GLRX3: variants seen among roughly 807,000 people sequenced by gnomAD.
The protein encoded by GLRX3 is glutaredoxin-3.
Under a neutral mutation model 49.5 loss-of-function variants are expected in GLRX3, and 22 were observed. The observed-to-expected ratio is 0.44, with a 90% CI of 0.32 to 0.63. The LOEUF is 0.63. Ranked by LOEUF, GLRX3 falls within the 30% of genes least tolerant of loss-of-function variation. GLRX3 has a pLI of 0.05. For synonymous variants in GLRX3, 133 were observed against 140.0 expected, an observed-to-expected ratio of 0.95 and a Z score of 0.35; for missense variants, 385 against 396.3, an observed-to-expected ratio of 0.97 and a Z score of 0.24.
intron 1 of GLRX3, among the ~76,000 whole-genome samples, chr10:130,143,071 C>T (rs1168478069): frequency 6.6e-6 from 1 of 152,158 alleles, no homozygotes; most frequent in African/African-American, 2.4e-5. Context: ...CTCAGGTTGG[C>T]AGCTTCTGCA....
At chr10:130,176,306 G>C (rs2134931013) in intron 10 of GLRX3, among the ~76,000 whole-genome samples, 1 of 152,160 alleles carries the variant, frequency 6.6e-6, no homozygotes, top group South Asian at 2.1e-4. Context: ...TTTTAGTAGA[G>C]ATGGGGTTTC....
chr10:130,142,553 C>T (rs1590056467), intron 1 of GLRX3, among the ~76,000 whole-genome samples: 1 of 152,158 alleles, frequency 6.6e-6, no homozygotes, highest in African/African-American at 2.4e-5. Flanking sequence ...TAAGGATTTT[C>T]TTGTATTAAA....
In GLRX3 at chr10:130,179,359, T is replaced by G; in HGVS notation, c.975T>G (p.Gly325=). 6.2e-6 allele frequency: 9 copies of G among 1,460,696 alleles called. No individual in the cohort carries two copies. The highest frequency in any genetic ancestry group is 8.5e-6 in the Non-Finnish European group (9 of 1,055,526). The allele number at this position is 1,460,696 out of a possible 1,614,324, so 90.5% of individuals were successfully genotyped here. A position where few individuals can be genotyped will look rare whatever the true frequency, so the allele number is the denominator to read the frequency against. Residue 325 remains glycine, a synonymous_variant, in exon 11 of 11, where the codon GGT becomes GGG. Transcript: ENST00000331244. ...ATTTTTAGGAACTGAAAGAAAATGG[T>G]GAATTGCTGCCTATACTGAGAGGAG... ...LDIVKELKEN[G]ELLPILRGEN
chr10:130,160,714 G>C, intron 3 of GLRX3, 82 bp from the exon 4 acceptor site: 3 of 807,488 alleles, frequency 3.7e-6, no homozygotes, highest in Non-Finnish European at 6.5e-6. Context: ...CGGTAATACT[G>C]TTGTCCCCTT....
intron 8 of GLRX3, among the ~76,000 whole-genome samples, chr10:130,172,052 T>G (rs1424589550): frequency 5.9e-5 from 9 of 152,220 alleles, no homozygotes; most frequent in African/African-American, 2.2e-4. Context: ...ATCTGTATCT[T>G]TCTTTATTTT....
chr10:130,148,102 T>G (rs1226739892), intron 2 of GLRX3, among the ~76,000 whole-genome samples: 2 of 152,142 alleles, frequency 1.3e-5, no homozygotes, highest in African/African-American at 4.8e-5. Context: ...GAGTATGAAC[T>G]AATGTTCTTC....
At chr10:130,173,951 A>G (rs1223498212) in intron 8 of GLRX3, among the ~76,000 whole-genome samples, 3 of 152,148 alleles carry the variant, frequency 2.0e-5, no homozygotes, top group African/African-American at 4.8e-5. Flanking sequence ...TTTTACATGT[A>G]GCATTTTCTT....
intron 2 of GLRX3, among the ~76,000 whole-genome samples, chr10:130,146,951 A>G (rs1590058991): frequency 6.6e-6 from 1 of 152,262 alleles, no homozygotes; most frequent in African/African-American, 2.4e-5. Context: ...CAAACAGTGT[A>G]GAAAGATGTC....
chr10:130,171,393 C>T (rs1247395272), intron 7 of GLRX3, among the ~76,000 whole-genome samples, 191 bp from the exon 8 acceptor site: 1 of 151,924 alleles, frequency 6.6e-6, no homozygotes, highest in Non-Finnish European at 1.5e-5. Context: ...GTCTGTGGGT[C>T]ACGTGTGCCT....
chr10:130,161,140 G>T, intron 4 of GLRX3, 143 bp downstream of exon 4: 1 of 634,280 alleles, frequency 1.6e-6, no homozygotes, highest in East Asian at 2.7e-5. Context: ...AATCAAAAAG[G>T]TTATAATTCC....
intron 2 of GLRX3, among the ~76,000 whole-genome samples, chr10:130,152,561 A>T (rs893056946): frequency 5.9e-5 from 9 of 152,100 alleles, no homozygotes; most frequent in African/African-American, 2.2e-4. Context: ...TCCTTCACTT[A>T]TGAAGCTTAG....
intron 3 of GLRX3, among the ~76,000 whole-genome samples, chr10:130,160,506 C>T (rs2134902169): frequency 6.6e-6 from 1 of 152,278 alleles, no homozygotes; most frequent in Admixed American, 6.5e-5. Context: ...CCAAATACCT[C>T]ATTTATACTT....
At chr10:130,153,773 G>T (rs1328800382) in intron 2 of GLRX3, among the ~76,000 whole-genome samples, 1 of 152,138 alleles carries the variant, frequency 6.6e-6, no homozygotes. Context: ...CACTTGAGGA[G>T]GCAGTTTGTC....
Position 130,139,861 on chromosome 10 carries a change from C to G in GLRX3, c.92+3349C>G, listed in dbSNP as rs1045948062. Among the ~76,000 whole-genome samples, 3 of 152,042 alleles carry G rather than the reference C, an allele frequency of 2.0e-5. No homozygotes were observed. In the South Asian group the frequency reaches 6.2e-4, roughly 32 times the overall value. On this transcript the variant is annotated intron_variant, in intron 1 of 10. Transcript: ENST00000331244. ...GGAGGATTGTTTGAGCCCAGGAGTT[C>G]CAAGCTGCGGTGAGCTATGATCCTG...
chr10:130,156,151 G>A (rs1446379636), intron 2 of GLRX3, among the ~76,000 whole-genome samples: 1 of 152,184 alleles, frequency 6.6e-6, no homozygotes, highest in Non-Finnish European at 1.5e-5. Context: ...ATTGCTCACA[G>A]TTCTAGAGGC....
intron 2 of GLRX3, among the ~76,000 whole-genome samples, chr10:130,147,967 C>T (rs1484830738): frequency 2.6e-5 from 4 of 152,012 alleles, no homozygotes; most frequent in Non-Finnish European, 5.9e-5. Context: ...TTCCTTGAGC[C>T]CAGGAGGTCT....
chr10:130,148,631 ATAGAGT>A (rs1401259427), intron 2 of GLRX3, among the ~76,000 whole-genome samples: 29 of 152,068 alleles, frequency 1.9e-4, no homozygotes, highest in African/African-American at 4.8e-5. Flanking sequence ...GCTGGTAAAA[ATAGAGT>A]TAGAAGAGTT....
At chr10:130,138,185 T>C (rs904136642) in intron 1 of GLRX3, among the ~76,000 whole-genome samples, 15 of 152,130 alleles carry the variant, frequency 9.9e-5, no homozygotes, top group South Asian at 6.2e-4. Flanking sequence ...GCCTCCTGAG[T>C]ATCTGGGACT....
At chr10:130,176,824 GAC>G (rs1403302985) in intron 10 of GLRX3, among the ~76,000 whole-genome samples, 1 of 121,448 alleles carries the variant, frequency 8.2e-6, no homozygotes, top group Non-Finnish European at 1.6e-5. Flanking sequence ...ATTTTTGTAA[GAC>G]ACAAAGAATA....
Sources: gnomAD v4.1 joint callset for allele counts (sites outside exome capture counted in the v4.1 genomes callset) on GRCh38, gnomAD v4.1.1 for gene constraint, MANE v1.5 for transcripts, NCBI Gene and HGNC (gene_info 2026-07-23, HGNC 2026-07-21) for gene names.